The following C3orf52 variants were observed in gnomAD, a reference collection of about 807,000 sequenced individuals.
C3orf52 encodes the protein chromosome 3 open reading frame 52.
Under a neutral mutation model 24.8 loss-of-function variants are expected in C3orf52, and 22 were observed. The ratio of observed to expected loss-of-function variants is 0.89; its 90% CI spans 0.63 to 1.27. The LOEUF is 1.27. Among genes scored for constraint, C3orf52 ranks in the 50% most tolerant of loss-of-function variants. The pLI, the probability that C3orf52 is intolerant of heterozygous loss-of-function variation, is 0.00. For synonymous variants in C3orf52, 93 were observed against 100.2 expected, an observed-to-expected ratio of 0.93 and a Z score of 0.43; for missense variants, 265 against 260.7, an observed-to-expected ratio of 1.02 and a Z score of -0.11.
chr3:112,108,809 A>T (rs761231790), intron 3 of C3orf52, among the ~76,000 whole-genome samples: 1 of 152,224 alleles, frequency 6.6e-6, no homozygotes, highest in Non-Finnish European at 1.5e-5. Flanking sequence ...ATTTGTAAAA[A>T]TATGCAAGGA....
At chr3:112,120,229 A>G (rs76335164), downstream of C3orf52, among the ~76,000 whole-genome samples, 1,555 of 152,328 alleles carry the variant, frequency 0.01, 24 homozygotes, top group African/African-American at 0.035. Context: ...TTGAGGCTAT[A>G]GGCTTGGAAA....
At chr3:112,093,609 A>G in intron 2 of C3orf52, 120 bp downstream of exon 2, 4 of 986,710 alleles carry the variant, frequency 4.1e-6, no homozygotes, top group Non-Finnish European at 5.9e-6. Flanking sequence ...TGAATTTAAG[A>G]CCGGCTTGGA....
Position 112,126,920 on chromosome 3 carries a change from A to G in C3orf52, c.*47-1313A>G. 5 of 1,079,622 alleles carry G rather than the reference A, an allele frequency of 4.6e-6. No individual in the cohort carries two copies. In the South Asian group the frequency reaches 6.6e-5, roughly 14 times the overall value. The allele number at this position is 1,079,622 out of a possible 1,614,324, so 66.9% of individuals were successfully genotyped here. A position where few individuals can be genotyped will look rare whatever the true frequency, so the allele number is the denominator to read the frequency against. On this transcript the variant is annotated intron_variant, in intron 4 of 4. Coordinates refer to the C3orf52 transcript ENST00000480282. ...TATGCCTAAGGGGCTTTGGGAACAT[A>G]GAGAAGAAGTAGTTTGGAAATGTAA...
intron 2 of C3orf52, 40 bp downstream of exon 2, chr3:112,093,529 AACTT>A (rs749846527): frequency 5.7e-6 from 9 of 1,582,120 alleles, no homozygotes; most frequent in East Asian, 2.3e-5. Context: ...ACATTTTAAG[AACTT>A]ACTTAAGGCT....
At position 112,113,223 on chromosome 3, in the gene C3orf52, G is replaced by A. The variant is rs7646316; in HGVS notation, c.649+78G>A. ...GATTGGGGTCAAATTGGCTTGGTTC[G>A]ATTTGGCAACTGTGGTGACTTGGTA... On this transcript the variant is annotated intron_variant, in intron 5 of 5. Coordinates refer to ENST00000264848, the MANE Select transcript of C3orf52 (RefSeq NM_024616.3). The A allele has an allele frequency of 7.7e-5, 90 of 1,169,286 alleles. No individual in the cohort carries two copies. In the Middle Eastern group the frequency reaches 8.0e-4, roughly 10 times the overall value. The allele number at this position is 1,169,286 out of a possible 1,614,324, so 72.4% of individuals were successfully genotyped here.
At chr3:112,113,733 T>C (rs2074108845) in intron 5 of C3orf52, among the ~76,000 whole-genome samples, 1 of 152,220 alleles carries the variant, frequency 6.6e-6, no homozygotes, top group South Asian at 2.1e-4. Context: ...GAAATAGATA[T>C]GTTCTTTAAT....
In C3orf52 at chr3:112,088,184, A is replaced by T. The variant is rs543419951; in HGVS notation, c.138+1639A>T. 2.6e-5 allele frequency among the ~76,000 whole-genome samples: 4 copies of T among 152,322 alleles called. No homozygotes were observed. The South Asian group carries it at 8.3e-4, about 32-fold the overall frequency. ...CAGTAACAGGATGGAGTGAAGGTGAAGGGCTACAGGAGTACTTGGAGTGTG... is the reference window on the plus strand; with the variant it reads ...CAGTAACAGGATGGAGTGAAGGTGATGGGCTACAGGAGTACTTGGAGTGTG... On this transcript the variant is annotated intron_variant, in intron 1 of 5. Transcript: ENST00000264848.
chr3:112,128,725 A>G (rs78688598), exon 5 of C3orf52: 7,681 of 162,154 alleles, frequency 0.047, 249 homozygotes, highest in African/African-American at 0.096. Flanking sequence ...CCAACGATAT[A>G]GTTAAATAAC....
At chr3:112,124,002 A>G (rs1047376700) in intron 4 of C3orf52, among the ~76,000 whole-genome samples, 2 of 152,206 alleles carry the variant, frequency 1.3e-5, no homozygotes, top group Non-Finnish European at 2.9e-5. Context: ...CCCTTGTTCC[A>G]GAGTGACCTC....
chr3:112,103,656 A>G (rs2073999475), intron 3 of C3orf52, among the ~76,000 whole-genome samples: 1 of 152,222 alleles, frequency 6.6e-6, no homozygotes, highest in African/African-American at 2.4e-5. Flanking sequence ...TGTGTTGTAC[A>G]GTGGCAAAGG....
At chr3:112,088,186 G>T (rs2073846320) in intron 1 of C3orf52, among the ~76,000 whole-genome samples, 1 of 152,160 alleles carries the variant, frequency 6.6e-6, no homozygotes, top group Non-Finnish European at 1.5e-5. Context: ...GAAGGTGAAG[G>T]GCTACAGGAG....
chr3:112,094,511 TGTTTA>T (rs1019384341), intron 2 of C3orf52, among the ~76,000 whole-genome samples: 6 of 152,236 alleles, frequency 3.9e-5, no homozygotes, highest in African/African-American at 1.4e-4. Context: ...TCTAGTCTTT[TGTTTA>T]GTTGCATTTC....
intron 3 of C3orf52, among the ~76,000 whole-genome samples, chr3:112,103,758 A>T (rs1276190139): frequency 6.6e-6 from 1 of 152,182 alleles, no homozygotes; most frequent in African/African-American, 2.4e-5. Flanking sequence ...ATGAGGTAGG[A>T]ATGTTCTAAA....
intron 4 of C3orf52, among the ~76,000 whole-genome samples, chr3:112,127,779 A>G (rs745810989): frequency 5.3e-5 from 8 of 152,158 alleles, no homozygotes; most frequent in Non-Finnish European, 1.2e-4. Flanking sequence ...GTTAGTAGCT[A>G]GTTTCATCTT....
At chr3:112,119,371 A>ATAAC, downstream of C3orf52, 1 of 684,920 alleles carries the variant, frequency 1.5e-6, no homozygotes, top group Non-Finnish European at 2.7e-6. Context: ...GTGAAACTCC[A>ATAAC]TAACAAACAA....
chr3:112,132,974 C>A (rs2074493344), downstream of C3orf52: 1 of 1,005,768 alleles, frequency 9.9e-7, no homozygotes, highest in Non-Finnish European at 1.5e-6. Context: ...AGTTTCCTTA[C>A]CCAACTACTT....
chr3:112,113,604 G>GA (rs2074107843), intron 5 of C3orf52, among the ~76,000 whole-genome samples: 1 of 152,148 alleles, frequency 6.6e-6, no homozygotes, highest in Non-Finnish European at 1.5e-5. Flanking sequence ...TTTTTCTGTT[G>GA]AAGGCCACTG....
rs753019112 is a variant in C3orf52 at position 112,116,645 on chromosome 3, G to T, written c.653G>T (p.Ter218LeuextTer72). ...TTCATCTGTGTTTTCTTTTTAGAATGAAGTGATGGAGGCTGGTCTCTGTCT... is the reference window on the plus strand; with the variant it reads ...TTCATCTGTGTTTTCTTTTTAGAATTAAGTGATGGAGGCTGGTCTCTGTCT... The part of the protein sequence containing the change: ...LDPTSLLLYE[*>L] The change falls in exon 6 of 6, where the codon TGA becomes TTA. Residue 218 changes from the stop codon to leucine, a stop_lost. Coordinates refer to ENST00000264848, the MANE Select transcript of C3orf52 (RefSeq NM_024616.3). 1 of 1,571,446 alleles carries T rather than the reference G, an allele frequency of 6.4e-7. No individual in the cohort carries two copies. The highest frequency in any genetic ancestry group is 1.9e-5 in the Admixed American group (1 of 53,706).
intron 2 of C3orf52, among the ~76,000 whole-genome samples, chr3:112,100,619 A>C (rs1380153330): frequency 2.0e-5 from 3 of 152,204 alleles, no homozygotes; most frequent in Non-Finnish European, 4.4e-5. Context: ...CCTTGTATCT[A>C]TCCTCTTGGC....
Sources: allele counts gnomAD v4.1 joint callset (sites outside exome capture counted in the v4.1 genomes callset), GRCh38; gene constraint gnomAD v4.1.1; transcripts MANE v1.5; gene names NCBI Gene and HGNC (gene_info 2026-07-23, HGNC 2026-07-21).